Variants in ZNF185 observed in about 807,000 individuals in gnomAD.
ZNF185 encodes zinc finger protein 185 with LIM domain.
Under a neutral mutation model 58.6 loss-of-function variants are expected in ZNF185, and 56 were observed. The ratio of observed to expected loss-of-function variants is 0.95; its 90% CI spans 0.77 to 1.19. The LOEUF is 1.19. ZNF185 is among the 50% of genes most tolerant of loss of function. ZNF185 has a pLI of 0.00. For missense variants in ZNF185, 627 were observed against 573.5 expected, an observed-to-expected ratio of 1.09 and a Z score of -0.95; for synonymous variants, 230 against 215.9, an observed-to-expected ratio of 1.07 and a Z score of -0.57.
chrX:152,927,518 A>G (rs1941090106), intron 11 of ZNF185, among the ~76,000 whole-genome samples: 2 of 106,149 alleles, frequency 1.9e-5, no homozygotes, highest in African/African-American at 6.9e-5. Context: ...GAACCTATAA[A>G]CCCCCCACCT....
Position 152,936,409 on chromosome X carries a change from C to T in ZNF185, c.1122-1665C>T. ...CTGAACCTGGACCAGGTCTGGCCTTCTTTCACAGGCTGTGTGCAGCTGCTA... is the reference window on the plus strand; with the variant it reads ...CTGAACCTGGACCAGGTCTGGCCTTTTTTCACAGGCTGTGTGCAGCTGCTA... On this transcript the variant is annotated intron_variant, in intron 14 of 22. Transcript: ENST00000449285. The T allele has an allele frequency of 8.6e-7, 1 of 1,165,137 alleles. No homozygotes were observed. Among genetic ancestry groups the T allele is most frequent in the Non-Finnish European group, 1.1e-6 (1 of 871,869 alleles).
Position 152,915,125 on chromosome X carries a change from C to G in ZNF185, c.159-13C>G, listed in dbSNP as rs782247703. 7 of 1,209,165 alleles carry G rather than the reference C, an allele frequency of 5.8e-6. No individual in the cohort carries two copies. Among genetic ancestry groups the G allele is most frequent in the Non-Finnish European group, 7.8e-6 (7 of 894,425 alleles). ...TCTCGGAGCCAATCCTTCAGGATGC[C>G]TCTTTCCCCCAGAGAGCTGCCCTCA... On this transcript the variant is annotated splice_polypyrimidine_tract_variant and intron_variant, in intron 2 of 22. Transcript: ENST00000449285.
chrX:152,907,608 G>A, the ZNF185 span, among the ~76,000 whole-genome samples: 2 of 113,208 alleles, frequency 1.8e-5, no homozygotes, highest in African/African-American at 3.2e-5. Context: ...AGGGCGGGCC[G>A]GGGCATCTGC....
At position 152,957,233 on chromosome X, in the gene ZNF185, A is replaced by ACTT. The variant is rs782191957; in HGVS notation, c.1410-2466_1410-2465insCTT. Among the ~76,000 whole-genome samples, 434 of 97,759 alleles carry ACTT rather than the reference A, an allele frequency of 4.4e-3. 2 individuals carry two copies. The highest frequency in any genetic ancestry group is 0.015 in the African/African-American group (387 of 26,642). 84.9% of individuals were successfully genotyped at this position (97,759 alleles called of 115,157 possible). On this transcript the variant is annotated intron_variant, in intron 16 of 22. Coordinates refer to ENST00000449285, the Ensembl canonical transcript of ZNF185. The stretch of plus-strand genomic sequence containing the variant: ...CAGGCGTGTGCCACCATGTCTGGCT[A>ACTT]TTTTTTTTTTTTTGTATGTTAGTAG...
intron 17 of ZNF185, among the ~76,000 whole-genome samples, chrX:152,963,623 A>G (rs1413185318): frequency 1.8e-5 from 2 of 111,959 alleles, no homozygotes; most frequent in African/African-American, 6.5e-5. Flanking sequence ...ACACTGGAAG[A>G]TTGGGGTCTT....
At chrX:152,899,356 C>G in the ZNF185 span, among the ~76,000 whole-genome samples, 3 of 112,962 alleles carry the variant, frequency 2.7e-5, no homozygotes, top group Non-Finnish European at 5.6e-5. Flanking sequence ...ATCTGAAAAA[C>G]AAGGGGCAGC....
At chrX:152,906,832 C>T in the ZNF185 span, among the ~76,000 whole-genome samples, 1 of 110,836 alleles carries the variant, frequency 9.0e-6, no homozygotes, top group African/African-American at 3.3e-5. Context: ...GTGCCCAGCA[C>T]ACATGCACTG....
intron 19 of ZNF185, 124 bp from the exon 22 acceptor site, chrX:152,967,043 C>T: frequency 1.6e-6 from 1 of 644,935 alleles, no homozygotes; most frequent in East Asian, 3.5e-5. Flanking sequence ...GGCACCAAGT[C>T]ATGAATGACG....
At chrX:152,937,171 G>A (rs1556882613) in intron 14 of ZNF185, among the ~76,000 whole-genome samples, 1 of 111,850 alleles carries the variant, frequency 8.9e-6, no homozygotes, top group East Asian at 2.8e-4. Flanking sequence ...CTCAGGGTCA[G>A]GTTCCAGCCG....
upstream of ZNF185, among the ~76,000 whole-genome samples, chrX:152,910,189 T>C (rs900609603): frequency 4.5e-5 from 5 of 111,729 alleles, no homozygotes; most frequent in East Asian, 1.4e-3. Flanking sequence ...ATTACAGGCA[T>C]GAGCCACCAC....
intron 11 of ZNF185, among the ~76,000 whole-genome samples, chrX:152,928,370 A>C (rs1941271203): frequency 8.9e-6 from 1 of 111,988 alleles, no homozygotes; most frequent in Non-Finnish European, 1.9e-5. Flanking sequence ...GGCTGGGCTC[A>C]GGTCAGGGGT....
chrX:152,930,290 T>C (rs782146382), intron 12 of ZNF185, among the ~76,000 whole-genome samples: 10 of 112,143 alleles, frequency 8.9e-5, no homozygotes, highest in Non-Finnish European at 1.3e-4. Context: ...TTCGTAGGCA[T>C]TGAAGTCAAA....
chrX:152,931,614 C>A, intron 12 of ZNF185, 58 bp from the exon 14 acceptor site: 1 of 1,040,633 alleles, frequency 9.6e-7, no homozygotes, highest in Non-Finnish European at 1.3e-6. Flanking sequence ...GAGGTAACAG[C>A]CCACACCTGA....
chrX:152,926,820 C>G lies in ZNF185; in HGVS notation c.831-1755C>G, dbSNP rs147324316. ...TTAAAACCACACGCATTTATCCTCT[C>G]ACAATTCTGGAGGCTGGAAGTCTGA... On this transcript the variant is annotated intron_variant, in intron 11 of 22. Coordinates refer to ENST00000449285, the Ensembl canonical transcript of ZNF185. 3.8e-3 allele frequency among the ~76,000 whole-genome samples: 431 copies of G among 112,600 alleles called. 1 individual carries two copies. The highest frequency in any genetic ancestry group is 0.013 in the African/African-American group (404 of 31,010).
At chrX:152,941,700 CA>C in intron 15 of ZNF185, 1 of 1,164,539 alleles carries the variant, frequency 8.6e-7, no homozygotes, top group Non-Finnish European at 1.1e-6. Flanking sequence ...CGACCGTCCA[CA>C]AAGTGAAATG....
At chrX:152,928,955 C>T (rs73641514) in intron 12 of ZNF185, among the ~76,000 whole-genome samples, 2,317 of 112,561 alleles carry the variant, frequency 0.021, 63 homozygotes, top group African/African-American at 0.07. Context: ...AGGCAGACGC[C>T]GACATGAGCA....
intron 16 of ZNF185, among the ~76,000 whole-genome samples, chrX:152,954,015 A>G (rs973898744): frequency 5.3e-5 from 6 of 112,151 alleles, no homozygotes; most frequent in African/African-American, 1.9e-4. Context: ...TGCTGGGATT[A>G]CAGGTGTGAG....
chrX:152,921,482 C>CA (rs1362524014), intron 9 of ZNF185, among the ~76,000 whole-genome samples: 1 of 85,393 alleles, frequency 1.2e-5, no homozygotes, highest in Non-Finnish European at 2.1e-5. Flanking sequence ...GGCAGGAATA[C>CA]AGAGAGCAGG....
intron 15 of ZNF185, among the ~76,000 whole-genome samples, chrX:152,938,889 A>G (rs2046748587): frequency 1.2e-5 from 1 of 85,546 alleles, no homozygotes; most frequent in South Asian, 5.3e-4. Flanking sequence ...GGAAAAGGCA[A>G]CTCAGGCGAT....
Sources: allele counts gnomAD v4.1 joint callset (sites outside exome capture counted in the v4.1 genomes callset), GRCh38; gene constraint gnomAD v4.1.1; transcripts MANE v1.5; gene names NCBI Gene and HGNC (gene_info 2026-07-23, HGNC 2026-07-21).